Variants in TRHDE observed in about 807,000 individuals in gnomAD.
TRHDE encodes the protein thyrotropin releasing hormone degrading enzyme, also known as thyrotropin-releasing hormone-degrading ectoenzyme.
Under a neutral mutation model 125.7 loss-of-function variants are expected in TRHDE, and 72 were observed. That is an observed-to-expected ratio of 0.57 (90% CI 0.47 to 0.70). The LOEUF is 0.70. TRHDE is among the 30% of genes least tolerant of loss of function. The probability of loss-of-function intolerance (pLI) is 0.00; values close to 1 mark genes in which losing one functional copy is unlikely to be tolerated. For synonymous variants in TRHDE, 509 were observed against 509.1 expected, an observed-to-expected ratio of 1.00 and a Z score of 0.00; for missense variants, 1,110 against 1,327.1, an observed-to-expected ratio of 0.84 and a Z score of 2.54.
intron 3 of TRHDE, among the ~76,000 whole-genome samples, chr12:72,426,668 G>A (rs1413240375): frequency 6.6e-6 from 1 of 151,392 alleles, no homozygotes; most frequent in East Asian, 1.9e-4. Context: ...GCCTTTATAT[G>A]TTAGGTAGTG....
chr12:72,104,906 T>C (rs1875149304), intron 1 of TRHDE, among the ~76,000 whole-genome samples: 1 of 152,178 alleles, frequency 6.6e-6, no homozygotes, highest in Non-Finnish European at 1.5e-5. Context: ...CTCTCATCTT[T>C]GCCTCTCTCT....
At chr12:72,583,768 T>C (rs569233918) in intron 12 of TRHDE, among the ~76,000 whole-genome samples, 1 of 152,262 alleles carries the variant, frequency 6.6e-6, no homozygotes, top group African/African-American at 2.4e-5. Flanking sequence ...GTTAATACAT[T>C]CCTTTGAGCT....
chr12:72,575,257 C>T lies in TRHDE; in HGVS notation c.2134C>T (p.His712Tyr), dbSNP rs776310832. 6.2e-7 allele frequency: 1 copy of T among 1,612,174 alleles called. No homozygotes were observed. ...AIIWVSNKSEHHRITYLDKGS... is the reference protein window; with the variant it reads ...AIIWVSNKSEYHRITYLDKGS... ...TATCCCAAAAATGCTTTTTTCAGAG[C>T]ACCACAGAATAACTTATTTGGACAA... Residue 712 changes from histidine (H) to tyrosine (Y), a missense_variant and splice_region_variant, in exon 11 of 19, where the codon CAC (histidine) becomes TAC (tyrosine). Transcript: ENST00000261180.
chr12:72,197,480 C>G (rs536027901), intron 2 of TRHDE, among the ~76,000 whole-genome samples: 1 of 152,218 alleles, frequency 6.6e-6, no homozygotes, highest in Non-Finnish European at 1.5e-5. Flanking sequence ...GGGTTTGATA[C>G]ATAGCTGATG....
At chr12:72,243,821 T>C (rs576205055) in intron 2 of TRHDE, among the ~76,000 whole-genome samples, 57 of 152,312 alleles carry the variant, frequency 3.7e-4, no homozygotes, top group African/African-American at 1.4e-3. Flanking sequence ...TTGAGTTCTC[T>C]TTTCCAAGCA....
At chr12:72,380,550 A>G (rs1184643291) in intron 3 of TRHDE, among the ~76,000 whole-genome samples, 1 of 152,194 alleles carries the variant, frequency 6.6e-6, no homozygotes, top group Non-Finnish European at 1.5e-5. Context: ...AAGTGCCTAG[A>G]CATTGAGGTG....
intron 12 of TRHDE, among the ~76,000 whole-genome samples, chr12:72,579,023 C>T (rs1306670627): frequency 2.1e-5 from 3 of 144,860 alleles, no homozygotes; most frequent in Non-Finnish European, 4.5e-5. Flanking sequence ...TATTCTCTGA[C>T]TCATTTATAA....
intron 5 of TRHDE, among the ~76,000 whole-genome samples, chr12:72,480,869 C>T (rs954303183): frequency 7.9e-5 from 12 of 152,054 alleles, no homozygotes; most frequent in African/African-American, 2.9e-4. Flanking sequence ...AAAATGTCTT[C>T]TTAGATATTA....
chr12:72,154,589 G>A (rs547383732), intron 2 of TRHDE, among the ~76,000 whole-genome samples: 1 of 152,274 alleles, frequency 6.6e-6, no homozygotes, highest in African/African-American at 2.4e-5. Context: ...GGCAGGCCTG[G>A]TGGTGACAAA....
At chr12:72,512,915 A>G (rs931956280) in intron 6 of TRHDE, among the ~76,000 whole-genome samples, 3 of 151,978 alleles carry the variant, frequency 2.0e-5, no homozygotes, top group African/African-American at 7.2e-5. Flanking sequence ...TACATCTAAC[A>G]ATATTGAAGG....
chr12:72,172,337 A>C (rs1316772584), intron 2 of TRHDE, among the ~76,000 whole-genome samples: 2 of 152,222 alleles, frequency 1.3e-5, no homozygotes, highest in Non-Finnish European at 2.9e-5. Context: ...ATACAATTCT[A>C]AGCCTTTCAC....
At chr12:72,498,389 C>T (rs1878007276) in intron 5 of TRHDE, among the ~76,000 whole-genome samples, 1 of 152,134 alleles carries the variant, frequency 6.6e-6, no homozygotes, top group Non-Finnish European at 1.5e-5. Context: ...AATTACAACT[C>T]ACTCAGAAAT....
At chr12:72,351,040 C>T (rs931856610) in intron 2 of TRHDE, among the ~76,000 whole-genome samples, 5 of 151,956 alleles carry the variant, frequency 3.3e-5, no homozygotes, top group Admixed American at 3.3e-4. Flanking sequence ...TTCTGTCATA[C>T]ACACCTTGTT....
At chr12:72,357,236 T>C (rs1226782063) in intron 2 of TRHDE, among the ~76,000 whole-genome samples, 1 of 151,536 alleles carries the variant, frequency 6.6e-6, no homozygotes, top group East Asian at 1.9e-4. Flanking sequence ...AAGGCAATCC[T>C]AAGCAATAAC....
chr12:72,099,154 A>G (rs1875007641), intron 1 of TRHDE, among the ~76,000 whole-genome samples: 1 of 144,976 alleles, frequency 6.9e-6, no homozygotes, highest in African/African-American at 2.7e-5. Context: ...ACAGAGTGAG[A>G]CTCTGTCAAG....
intron 12 of TRHDE, among the ~76,000 whole-genome samples, chr12:72,590,525 C>A (rs899605399): frequency 6.6e-6 from 1 of 152,100 alleles, no homozygotes; most frequent in Non-Finnish European, 1.5e-5. Flanking sequence ...GGGTCACATA[C>A]ACATTTCTGT....
intron 3 of TRHDE, among the ~76,000 whole-genome samples, chr12:72,429,272 A>G (rs368781520): frequency 2.6e-5 from 4 of 151,792 alleles, no homozygotes; most frequent in Admixed American, 2.0e-4. Flanking sequence ...GCAGCAAACC[A>G]CCATGACATG....
intron 2 of TRHDE, among the ~76,000 whole-genome samples, chr12:72,132,390 G>T (rs970415705): frequency 6.6e-6 from 1 of 152,210 alleles, no homozygotes; most frequent in Non-Finnish European, 1.5e-5. Context: ...TGCTTTGGGA[G>T]AACATTCATG....
intron 3 of TRHDE, among the ~76,000 whole-genome samples, chr12:72,419,285 T>A (rs1323033004): frequency 6.6e-6 from 1 of 152,188 alleles, no homozygotes; most frequent in Non-Finnish European, 1.5e-5. Flanking sequence ...TAAAAAGTTG[T>A]ATACAAAATG....
Sources: allele counts gnomAD v4.1 joint callset (sites outside exome capture counted in the v4.1 genomes callset), GRCh38; gene constraint gnomAD v4.1.1; transcripts MANE v1.5; gene names NCBI Gene and HGNC (gene_info 2026-07-23, HGNC 2026-07-21).